The following SPTBN2 variants were observed in gnomAD, a reference collection of about 807,000 sequenced individuals.
SPTBN2 encodes spectrin beta, non-erythrocytic 2.
In SPTBN2, 107 loss-of-function variants were observed where a neutral mutation model predicts 284.2. The observed-to-expected ratio is 0.38, with a 90% CI of 0.32 to 0.44. The LOEUF is 0.44. Ranked by LOEUF, SPTBN2 falls within the 20% of genes least tolerant of loss-of-function variation. The pLI is 1.00. For missense variants in SPTBN2, 2,569 were observed against 3,287.1 expected (o/e 0.78, Z 5.34); for synonymous variants, 1,289 against 1,354.8 (o/e 0.95, Z 1.07).
Position 66,684,329 on chromosome 11 carries a change from T to C in SPTBN2, c.*1542A>G, listed in dbSNP as rs191060923. On this transcript the variant is annotated 3_prime_UTR_variant, in exon 38 of 38. Transcript: ENST00000533211. Reference sequence around the variant, plus strand: ...GAAGCCACCCGCTCCTTTCTAATACTTCATCAGATCCAGAAGGTAGTCTCA... The same window carrying C: ...GAAGCCACCCGCTCCTTTCTAATACCTCATCAGATCCAGAAGGTAGTCTCA... Among the ~76,000 whole-genome samples, 99 of 152,254 alleles carry C rather than the reference T, an allele frequency of 6.5e-4. 1 individual carries two copies. The highest frequency in any genetic ancestry group is 1.8e-3 in the Admixed American group (28 of 15,296).
chr11:66,692,626 G>A lies in SPTBN2; in HGVS notation c.5100C>T (p.Arg1700=), dbSNP rs775782782. Residue 1700 remains arginine, a synonymous_variant, in exon 26 of 38, where the codon CGC becomes CGT. Transcript: ENST00000533211. ...ACTGTTCCAGGTCATCCAGCTCGCG[G>A]CGGAGCTGGCACAGCCGGAGGTGCT... The part of the protein sequence containing the change: ...LQEHLRLCQL[R]RELDDLEQWI... The A allele has an allele frequency of 6.2e-7, 1 of 1,606,248 alleles. No homozygotes were observed. Among genetic ancestry groups the A allele is most frequent in the South Asian group, 1.1e-5 (1 of 91,084 alleles).
upstream of SPTBN2, among the ~76,000 whole-genome samples, chr11:66,731,544 G>A (rs1349723311): frequency 6.6e-6 from 1 of 152,200 alleles, no homozygotes; most frequent in Non-Finnish European, 1.5e-5. Context: ...TTTCACCTAA[G>A]ATGGATTCTT....
intron 1 of SPTBN2, chr11:66,728,478 G>A (rs1196467390): frequency 2.0e-5 from 3 of 150,568 alleles, no homozygotes; most frequent in African/African-American, 7.3e-5. Context: ...GCGGCCCCGC[G>A]GGGCTCTGGG....
chr11:66,727,631 C>T (rs1942668504), intron 1 of SPTBN2, among the ~76,000 whole-genome samples: 1 of 152,144 alleles, frequency 6.6e-6, no homozygotes, highest in South Asian at 2.1e-4. Context: ...CCAGTTCCGG[C>T]CACCACAGCC....
In SPTBN2 at chr11:66,691,678, G is replaced by A. The variant is rs370530769; in HGVS notation, c.5191-20C>T. 6.2e-7 allele frequency: 1 copy of A among 1,613,144 alleles called. No individual in the cohort carries two copies. The highest frequency in any genetic ancestry group is 1.3e-5 in the African/African-American group (1 of 75,056). On this transcript the variant is annotated intron_variant, in intron 26 of 37. Coordinates refer to ENST00000533211, the MANE Select transcript of SPTBN2 (RefSeq NM_006946.4). This position sits in a 1 kb window ranked among gnomAD's most constrained non-coding sequence, Gnocchi z 8.0. ...GAGCATCTGGTAGAGGAAGCAGATGGACAGACCATGCCGTGATGTTAGGGG... is the reference window on the plus strand; with the variant it reads ...GAGCATCTGGTAGAGGAAGCAGATGAACAGACCATGCCGTGATGTTAGGGG...
Position 66,734,254 on chromosome 11 carries a change from G to A in SPTBN2, c.-474-5062C>T, listed in dbSNP as rs372941042. 4.5e-4 allele frequency among the ~76,000 whole-genome samples: 69 copies of A among 151,988 alleles called. 3 individuals carry two copies. The South Asian group carries it at 0.013, about 28-fold the overall frequency. On this transcript the variant is annotated intron_variant, in intron 1 of 37. Coordinates refer to the SPTBN2 transcript ENST00000611817. ...GTCTAGGCCTTTTCTTATTCTCTGCGCTCTTCCTGGGCCATCTTATCTACT... is the reference window on the plus strand; with the variant it reads ...GTCTAGGCCTTTTCTTATTCTCTGCACTCTTCCTGGGCCATCTTATCTACT...
chr11:66,694,435 A>C, intron 21 of SPTBN2, 72 bp from the exon 22 acceptor site: 1 of 1,470,278 alleles, frequency 6.8e-7, no homozygotes, highest in Non-Finnish European at 9.3e-7. Context: ...GACACCAACC[A>C]GTCTCTATCC....
At chr11:66,737,762 T>A (rs1484278868) in intron 1 of SPTBN2, among the ~76,000 whole-genome samples, 1 of 152,128 alleles carries the variant, frequency 6.6e-6, no homozygotes, top group African/African-American at 2.4e-5. Flanking sequence ...AAATACACTA[T>A]GTAAACTGGA....
At position 66,710,947 on chromosome 11, in the gene SPTBN2, G is replaced by A; in HGVS notation, c.855C>T (p.Ala285=). ...TYYHYFSKMK[A]LAVEGKRIGK... Reference sequence around the variant, plus strand: ...CAATTCTCTTGCCTTCCACGGCCAGGGCCTTCATCTTGGAGAAGTAATGGT... The same window carrying A: ...CAATTCTCTTGCCTTCCACGGCCAGAGCCTTCATCTTGGAGAAGTAATGGT... The change falls in exon 9 of 38, where the codon GCC becomes GCT. Residue 285 remains alanine (A), a synonymous_variant. Coordinates refer to ENST00000533211, the MANE Select transcript of SPTBN2 (RefSeq NM_006946.4). This position sits in a 1 kb window ranked among gnomAD's most constrained non-coding sequence, Gnocchi z 4.9. 6.2e-7 allele frequency: 1 copy of A among 1,614,222 alleles called. No homozygotes were observed. The highest frequency in any genetic ancestry group is 8.5e-7 in the Non-Finnish European group (1 of 1,180,042).
intron 1 of SPTBN2, among the ~76,000 whole-genome samples, chr11:66,738,941 A>G (rs540960496): frequency 2.0e-5 from 3 of 152,112 alleles, no homozygotes; most frequent in South Asian, 2.1e-4. Context: ...CCTCATGAGT[A>G]GCTGGGACTA....
chr11:66,701,437 A>G (rs1368606294), intron 16 of SPTBN2, 147 bp downstream of exon 16: 2 of 1,520,058 alleles, frequency 1.3e-6, no homozygotes, highest in East Asian at 2.3e-5. Flanking sequence ...CATCTCTTTC[A>G]TCCTTTTTCC....
Position 66,727,318 on chromosome 11 carries a change from C to A in SPTBN2, c.-114+1423G>T, listed in dbSNP as rs572917993. On this transcript the variant is annotated intron_variant, in intron 1 of 37. Transcript: ENST00000533211. ...TCTGCCCATACCTGAAACCCCCGGG[C>A]TCTCCAGCGTTGGAACTGTGGCTGC... is the stretch of plus-strand genomic sequence containing the variant. 1.1e-4 allele frequency among the ~76,000 whole-genome samples: 17 copies of A among 152,330 alleles called. No homozygotes were observed. The South Asian group carries it at 3.5e-3, about 32-fold the overall frequency.
intron 13 of SPTBN2, 21 bp from the exon 14 acceptor site, chr11:66,705,858 G>A (rs372967192): frequency 3.0e-5 from 49 of 1,610,972 alleles, no homozygotes; most frequent in East Asian, 4.5e-5. Flanking sequence ...CACATGAAGT[G>A]CACATGCCCG....
rs1004677013 is a variant in SPTBN2 at position 66,705,642 on chromosome 11, T to C, written c.1807+42A>G. ...TCCACCTCGGCTCTTGATGTGCTCC[T>C]TCCCAGCCCCTCCCTCTCCAGTGCC... On this transcript the variant is annotated intron_variant, in intron 14 of 37. Coordinates refer to ENST00000533211, the MANE Select transcript of SPTBN2 (RefSeq NM_006946.4). The C allele has an allele frequency of 2.5e-6, 4 of 1,607,284 alleles. No individual in the cohort carries two copies. In the African/African-American group the frequency reaches 5.3e-5, roughly 21 times the overall value.
chr11:66,687,293 T>C lies in SPTBN2; in HGVS notation c.6723-126A>G. The C allele has an allele frequency of 6.5e-7, 1 of 1,540,394 alleles. No individual in the cohort carries two copies. Among genetic ancestry groups the C allele is most frequent in the Non-Finnish European group, 8.8e-7 (1 of 1,131,708 alleles). On this transcript the variant is annotated intron_variant, in intron 35 of 37. Transcript: ENST00000533211. The surrounding 1 kb of genome is among the most constrained non-coding windows in gnomAD (Gnocchi z 5.2). ...CCACGGTCTTCACACCCTCTGGTCC[T>C]CCCCTGAGGCCCCGCTCTGGTCCCA...
chr11:66,737,644 G>A (rs1239706216), intron 1 of SPTBN2, among the ~76,000 whole-genome samples: 5 of 152,198 alleles, frequency 3.3e-5, no homozygotes, highest in East Asian at 1.9e-4. Context: ...TTCCCAACAC[G>A]AGATATTCAA....
In SPTBN2 at chr11:66,693,380, G is replaced by C. The variant is rs2135360453; in HGVS notation, c.4660C>G (p.Leu1554Val). The C allele has an allele frequency of 6.2e-7, 1 of 1,602,974 alleles. No homozygotes were observed. Among genetic ancestry groups the C allele is most frequent in the Non-Finnish European group, 8.5e-7 (1 of 1,179,944 alleles). Residue 1554 changes from leucine (L) to valine (V), a missense_variant, in exon 24 of 38, where the codon CTA becomes GTA. This residue lies in a region of SPTBN2 where 1,130 missense variants were observed against 1,317.3 expected (regional missense o/e 0.86). Transcript: ENST00000533211. This position sits in a 1 kb window ranked among gnomAD's most constrained non-coding sequence, Gnocchi z 5.7. ...IADLRERQRA[L>V]GAAAAGPELA... ...TCTGGACCTGCTGCTGCTGCACCTAGAGCACGCTGCCGCTCCCTCAGGTCC... is the reference window on the plus strand; with the variant it reads ...TCTGGACCTGCTGCTGCTGCACCTACAGCACGCTGCCGCTCCCTCAGGTCC...
At chr11:66,728,523 A>T (rs1942723168) in intron 1 of SPTBN2, 1 of 149,412 alleles carries the variant, frequency 6.7e-6, no homozygotes, top group Non-Finnish European at 1.5e-5. Flanking sequence ...GCCCAGCGCC[A>T]TGGCAACCGA....
At position 66,708,463 on chromosome 11, in the gene SPTBN2, C is replaced by G. The variant is rs1216528213; in HGVS notation, c.1192-164G>C. Among the ~76,000 whole-genome samples, 1 of 152,212 alleles carries G rather than the reference C, an allele frequency of 6.6e-6. No homozygotes were observed. Among genetic ancestry groups the G allele is most frequent in the African/African-American group, 2.4e-5 (1 of 41,452 alleles). ...CAGGAAACAGGGCAGCGCTGGGAGTCTGTGAAGCCATGTAGAAGCTTCTGG... is the reference window on the plus strand; with the variant it reads ...CAGGAAACAGGGCAGCGCTGGGAGTGTGTGAAGCCATGTAGAAGCTTCTGG... On this transcript the variant is annotated intron_variant, in intron 11 of 37. Coordinates refer to ENST00000533211, the MANE Select transcript of SPTBN2 (RefSeq NM_006946.4). The surrounding 1 kb of genome is among the most constrained non-coding windows in gnomAD (Gnocchi z 4.4).
Sources: allele counts gnomAD v4.1 joint callset (sites outside exome capture counted in the v4.1 genomes callset), GRCh38; gene constraint gnomAD v4.1.1; regional missense constraint gnomAD v4.1.1; non-coding constraint Gnocchi (gnomAD v3.1); transcripts MANE v1.5; gene names NCBI Gene and HGNC (gene_info 2026-07-23, HGNC 2026-07-21).